WDR11: variants seen among roughly 807,000 people sequenced by gnomAD.
WDR11 encodes the protein WD repeat-containing protein 11.
Under a neutral mutation model 151.2 loss-of-function variants are expected in WDR11, and 83 were observed. The observed-to-expected ratio is 0.55, with a 90% confidence interval of 0.46 to 0.66. WDR11 has a LOEUF of 0.66. WDR11 is among the 30% of genes least tolerant of loss of function. The probability of loss-of-function intolerance (pLI) is 0.00; values close to 1 mark genes in which losing one functional copy is unlikely to be tolerated. For missense variants in WDR11, 1,301 were observed against 1,480.9 expected, an observed-to-expected ratio of 0.88 and a Z score of 1.99; for synonymous variants, 484 against 533.1, an observed-to-expected ratio of 0.91 and a Z score of 1.27.
intron 19 of WDR11, 133 bp from the exon 20 acceptor site, chr10:120,899,896 A>G (rs1463026164): frequency 2.7e-6 from 2 of 733,156 alleles, no homozygotes; most frequent in African/African-American, 1.7e-5. Context: ...CGGTGACTAC[A>G]TTGAATATAC....
At position 120,883,382 on chromosome 10, in the gene WDR11, T is replaced by C. The variant is rs74583187; in HGVS notation, c.1740-398T>C. On this transcript the variant is annotated intron_variant, in intron 13 of 28. Transcript: ENST00000263461. ...AGTGGCATTTGTTGAATACCAACTG[T>C]AGTAGAATGATAGAAACTTTACATA... Among the ~76,000 whole-genome samples the C allele has an allele frequency of 1.1e-4, 16 of 152,330 alleles. No individual in the cohort carries two copies. In the East Asian group the frequency reaches 3.1e-3, roughly 29 times the overall value.
At chr10:120,889,438 C>T in intron 17 of WDR11, 1 of 433,096 alleles carries the variant, frequency 2.3e-6, no homozygotes, top group Non-Finnish European at 4.3e-6. Context: ...GACGGGATTT[C>T]ACCATGTTAG....
intron 1 of WDR11, chr10:120,851,773 G>T (rs1212280784): frequency 3.6e-6 from 2 of 557,930 alleles, no homozygotes; most frequent in Non-Finnish European, 6.4e-6. Context: ...CCCTTTTGCC[G>T]TTCCATTCCT....
At chr10:120,853,868 C>CCAGTTATCAG (rs1173483239) in intron 2 of WDR11, among the ~76,000 whole-genome samples, 1 of 152,232 alleles carries the variant, frequency 6.6e-6, no homozygotes, top group East Asian at 1.9e-4. Context: ...GACAGTGTTT[C>CCAGTTATCAG]CAGTTATCAG....
At chr10:120,888,797 C>CT (rs908696195) in intron 16 of WDR11, among the ~76,000 whole-genome samples, 101 of 150,538 alleles carry the variant, frequency 6.7e-4, no homozygotes, top group East Asian at 4.5e-3. Flanking sequence ...TAATTTCCCC[C>CT]TTTTTTTTTT....
intron 26 of WDR11, 38 bp from the exon 27 acceptor site, chr10:120,905,838 C>T: frequency 6.2e-7 from 1 of 1,614,028 alleles, no homozygotes; most frequent in East Asian, 2.2e-5. Context: ...TTATAGAGTG[C>T]AGGATGTTTT....
At chr10:120,870,331 A>T (rs1032630745) in intron 9 of WDR11, among the ~76,000 whole-genome samples, 7 of 152,308 alleles carry the variant, frequency 4.6e-5, no homozygotes, top group Middle Eastern at 6.8e-3. Context: ...GTAGACATGT[A>T]TGTATATACT....
chr10:120,863,160 A>C (rs1223186505), intron 5 of WDR11, among the ~76,000 whole-genome samples: 1 of 152,176 alleles, frequency 6.6e-6, no homozygotes, highest in Non-Finnish European at 1.5e-5. Flanking sequence ...TTATAGATTA[A>C]AATTTTTGAA....
In WDR11 at chr10:120,875,448, C is replaced by T. The variant is rs548551406; in HGVS notation, c.1556+1525C>T. 3.9e-5 allele frequency among the ~76,000 whole-genome samples: 6 copies of T among 152,252 alleles called. No individual in the cohort carries two copies. In the East Asian group the frequency reaches 9.7e-4, roughly 25 times the overall value. On this transcript the variant is annotated intron_variant, in intron 11 of 28. Coordinates refer to ENST00000263461, the MANE Select transcript of WDR11 (RefSeq NM_018117.12). ...ATTTCGCTGAATGCAAGGCTATTTT[C>T]CTTTTGTGTCCTATCAGTGATAGAT...
intron 11 of WDR11, 50 bp downstream of exon 11, chr10:120,873,973 A>G: frequency 7.7e-7 from 1 of 1,294,216 alleles, no homozygotes; most frequent in Non-Finnish European, 1.1e-6. Context: ...ATCAGAAAAA[A>G]AATTCTCATA....
In WDR11 at chr10:120,909,499, G is replaced by GATAA. The variant is rs1249488295; in HGVS notation, c.*793_*796dup. 1.5e-4 allele frequency: 23 copies of GATAA among 152,672 alleles called. No individual in the cohort carries two copies. Among genetic ancestry groups the GATAA allele is most frequent in the Non-Finnish European group, 1.8e-4 (12 of 68,078 alleles). The allele number at this position is 152,672 out of a possible 1,614,324, so 9.5% of individuals were successfully genotyped here. A position where few individuals can be genotyped will look rare whatever the true frequency, so the allele number is the denominator to read the frequency against. On this transcript the variant is annotated 3_prime_UTR_variant, in exon 29 of 29. Coordinates refer to ENST00000263461, the MANE Select transcript of WDR11 (RefSeq NM_018117.12). Reference sequence around the variant, plus strand: ...ATAAATGTCTGTAACTTACAAACATGATAAATAAATTAAAAATTCCATCCA... The same window carrying GATAA: ...ATAAATGTCTGTAACTTACAAACATGATAAATAAATAAATTAAAAATTCCATCCA...
In WDR11 at chr10:120,865,696, G is replaced by C. The variant is rs767221066; in HGVS notation, c.946G>C (p.Val316Leu). Reference sequence around the variant, plus strand: ...TGAAAATGGTTGTATAACTTTACGTGTTCGAAGATCTTATAATAACATTTT... The same window carrying C: ...TGAAAATGGTTGTATAACTTTACGTCTTCGAAGATCTTATAATAACATTTT... ...LHENGCITLR[V>L]RRSYNNIFTT... The change falls in exon 7 of 29, where the codon GTT (valine) becomes CTT (leucine). Residue 316 changes from valine (V) to leucine (L), a missense_variant. Transcript: ENST00000263461. 1 of 1,611,034 alleles carries C rather than the reference G, an allele frequency of 6.2e-7. No individual in the cohort carries two copies. The highest frequency in any genetic ancestry group is 1.7e-5 in the Admixed American group (1 of 59,978).
chr10:120,904,442 A>C (rs1847956211), intron 24 of WDR11, among the ~76,000 whole-genome samples: 1 of 152,212 alleles, frequency 6.6e-6, no homozygotes, highest in African/African-American at 2.4e-5. Context: ...TTACTCGAGC[A>C]CCTAGATACA....
chr10:120,881,508 T>C (rs1176772137), intron 13 of WDR11, among the ~76,000 whole-genome samples: 1 of 152,010 alleles, frequency 6.6e-6, no homozygotes, highest in Non-Finnish European at 1.5e-5. Context: ...ACAAGTTTTG[T>C]AACTCATGAA....
At chr10:120,885,778 C>G (rs965697585) in intron 14 of WDR11, 36 bp from the exon 15 acceptor site, 1 of 1,612,206 alleles carries the variant, frequency 6.2e-7, no homozygotes. Flanking sequence ...AGAAGGAAAC[C>G]TAGCACTTCT....
intron 10 of WDR11, among the ~76,000 whole-genome samples, chr10:120,873,048 T>C (rs1187605478): frequency 6.6e-6 from 1 of 152,172 alleles, no homozygotes; most frequent in Non-Finnish European, 1.5e-5. Flanking sequence ...TTCTCATGTA[T>C]GTCCGTGTCC....
At chr10:120,872,347 A>G (rs1254772030) in intron 10 of WDR11, among the ~76,000 whole-genome samples, 1 of 152,144 alleles carries the variant, frequency 6.6e-6, no homozygotes, top group East Asian at 1.9e-4. Context: ...CCACTAATAG[A>G]TTTTAATTAG....
At position 120,855,323 on chromosome 10, in the gene WDR11, CAG is replaced by C. The variant is rs1433290421; in HGVS notation, c.198+2689_198+2690del. Reference sequence around the variant, plus strand: ...ATGATTAAGGCAGGATGGAACAGGACAGTGGGAGATTTCATCATGCTATTCAG... The same window carrying C: ...ATGATTAAGGCAGGATGGAACAGGACTGGGAGATTTCATCATGCTATTCAG... On this transcript the variant is annotated intron_variant, in intron 2 of 28. Coordinates refer to ENST00000263461, the MANE Select transcript of WDR11 (RefSeq NM_018117.12). Among the ~76,000 whole-genome samples the C allele has an allele frequency of 7.2e-5, 11 of 152,216 alleles. No homozygotes were observed. In the Middle Eastern group the frequency reaches 0.01, roughly 141 times the overall value.
At chr10:120,877,626 A>C (rs1398021999) in intron 11 of WDR11, among the ~76,000 whole-genome samples, 1 of 151,998 alleles carries the variant, frequency 6.6e-6, no homozygotes, top group East Asian at 1.9e-4. Context: ...CAAAAAACAC[A>C]AAACAAAACA....
Sources: allele counts gnomAD v4.1 joint callset (sites outside exome capture counted in the v4.1 genomes callset), GRCh38; gene constraint gnomAD v4.1.1; transcripts MANE v1.5; gene names NCBI Gene and HGNC (gene_info 2026-07-23, HGNC 2026-07-21).